Variants in STK32B observed in about 807,000 individuals in gnomAD.
STK32B encodes serine/threonine-protein kinase 32B.
In STK32B, 43 loss-of-function variants were observed where a neutral mutation model predicts 52.6. That is an observed-to-expected ratio of 0.82 (90% CI 0.64 to 1.05). The LOEUF (loss-of-function observed/expected upper bound fraction) is 1.05, where lower values mean the gene tolerates loss of function less well. Among genes scored for constraint, STK32B ranks in the 50% least tolerant of loss-of-function variants. The probability of loss-of-function intolerance (pLI) is 0.00; values close to 1 mark genes in which losing one functional copy is unlikely to be tolerated. For missense variants in STK32B, 621 were observed against 534.6 expected (o/e 1.16, Z -1.59); for synonymous variants, 238 against 204.3 (o/e 1.17, Z -1.41).
intron 1 of STK32B, among the ~76,000 whole-genome samples, chr4:5,101,635 G>A (rs1425252223): frequency 2.0e-5 from 3 of 151,980 alleles, no homozygotes; most frequent in Non-Finnish European, 4.4e-5. Context: ...AATGACTTAG[G>A]CTTCTGAAAG....
rs534620863 is a variant in STK32B at position 5,173,746 on chromosome 4, G to T, written c.260+5296G>T. Among the ~76,000 whole-genome samples, 11 of 152,260 alleles carry T rather than the reference G, an allele frequency of 7.2e-5. No individual in the cohort carries two copies. In the East Asian group the frequency reaches 2.1e-3, roughly 29 times the overall value. ...CAACTATGTGGTCAATTTTGGAATA[G>T]GTGTGGTGTGGTGCTGAAAAGAATG... On this transcript the variant is annotated intron_variant, in intron 3 of 11. Transcript: ENST00000282908.
At chr4:5,356,613 C>T (rs1334048193) in intron 4 of STK32B, among the ~76,000 whole-genome samples, 3 of 152,150 alleles carry the variant, frequency 2.0e-5, no homozygotes, top group African/African-American at 7.2e-5. Flanking sequence ...GTGTATATGA[C>T]ACATCCAAAT....
At chr4:5,149,851 G>A (rs960705088) in intron 2 of STK32B, among the ~76,000 whole-genome samples, 1 of 151,666 alleles carries the variant, frequency 6.6e-6, no homozygotes, top group Admixed American at 6.6e-5. Context: ...GTTTCTCTCT[G>A]GTATCATTTC....
At position 5,295,530 on chromosome 4, in the gene STK32B, G is replaced by A. The variant is rs181786149; in HGVS notation, c.261-35690G>A. On this transcript the variant is annotated intron_variant, in intron 3 of 11. Coordinates refer to ENST00000282908, the MANE Select transcript of STK32B (RefSeq NM_018401.3). ...GGTGTGTGTGTCCTGGAATTTATCC[G>A]TTTCTTCTAGATTTTCTAGTTTATT... Among the ~76,000 whole-genome samples the A allele has an allele frequency of 6.9e-3, 1,044 of 151,874 alleles. 20 individuals are homozygous for A. The highest frequency in any genetic ancestry group is 0.017 in the Middle Eastern group (5 of 294).
intron 3 of STK32B, among the ~76,000 whole-genome samples, chr4:5,289,560 T>C (rs1352521831): frequency 1.3e-5 from 2 of 151,894 alleles, no homozygotes; most frequent in African/African-American, 2.4e-5. Flanking sequence ...AAAATGAAAA[T>C]GTGATAACTC....
At chr4:5,339,040 T>G (rs1274144506) in intron 4 of STK32B, among the ~76,000 whole-genome samples, 1 of 152,170 alleles carries the variant, frequency 6.6e-6, no homozygotes, top group Non-Finnish European at 1.5e-5. Context: ...AATGAAAAAT[T>G]AGAGCCATTC....
In STK32B at chr4:5,467,249, C is replaced by T. The variant is rs1176632733; in HGVS notation, c.1041+415C>T. 6.6e-6 allele frequency among the ~76,000 whole-genome samples: 1 copy of T among 152,172 alleles called. No homozygotes were observed. The highest frequency in any genetic ancestry group is 1.5e-5 in the Non-Finnish European group (1 of 68,038). On this transcript the variant is annotated intron_variant, in intron 10 of 11. Coordinates refer to ENST00000282908, the MANE Select transcript of STK32B (RefSeq NM_018401.3). This position sits in a 1 kb window ranked among gnomAD's most constrained non-coding sequence, Gnocchi z 5.8. ...TGGCTTAAAACAACCCACATTGATT[C>T]TCTCACGGTTCTGGAGGCCAGAAAT...
chr4:5,179,022 G>A (rs920397499), intron 3 of STK32B, among the ~76,000 whole-genome samples: 26 of 152,142 alleles, frequency 1.7e-4, no homozygotes, highest in African/African-American at 5.8e-4. Context: ...CAGTTCTCAC[G>A]CTGCTATGAA....
In STK32B at chr4:5,197,682, C is replaced by T. The variant is rs147132203; in HGVS notation, c.260+29232C>T. Among the ~76,000 whole-genome samples, 9 of 152,312 alleles carry T rather than the reference C, an allele frequency of 5.9e-5. No homozygotes were observed. In the East Asian group the frequency reaches 1.2e-3, roughly 20 times the overall value. On this transcript the variant is annotated intron_variant, in intron 3 of 11. Coordinates refer to ENST00000282908, the MANE Select transcript of STK32B (RefSeq NM_018401.3). ...ATAGTCTGCTTTTGCAACAGTTATA[C>T]CTCTTAACTAGTTCCCTTGTTTGGT...
At chr4:5,082,050 A>T (rs1435354788) in intron 1 of STK32B, among the ~76,000 whole-genome samples, 1 of 152,064 alleles carries the variant, frequency 6.6e-6, no homozygotes, top group Non-Finnish European at 1.5e-5. Context: ...AAACACCTGT[A>T]CTAGTCAGCC....
chr4:5,342,854 C>A (rs572498140), intron 4 of STK32B, among the ~76,000 whole-genome samples: 1 of 152,118 alleles, frequency 6.6e-6, no homozygotes. Context: ...AAAGTAAGAG[C>A]CTACCTTACT....
chr4:5,425,887 C>A (rs141897376), intron 6 of STK32B, among the ~76,000 whole-genome samples: 2 of 152,216 alleles, frequency 1.3e-5, no homozygotes, highest in East Asian at 3.9e-4. Context: ...TGTATACAGC[C>A]TTTTGAATGT....
At chr4:5,229,089 CA>C (rs1366758185) in intron 3 of STK32B, among the ~76,000 whole-genome samples, 1 of 151,994 alleles carries the variant, frequency 6.6e-6, no homozygotes, top group Non-Finnish European at 1.5e-5. Context: ...AATATACTAA[CA>C]AAGTCAGCAC....
chr4:5,459,652 G>A (rs1716875757), intron 8 of STK32B, among the ~76,000 whole-genome samples: 1 of 152,196 alleles, frequency 6.6e-6, no homozygotes, highest in Non-Finnish European at 1.5e-5. Flanking sequence ...TACAAATGAG[G>A]CCACTTCATT....
chr4:5,403,017 G>A (rs1001100621), intron 5 of STK32B, among the ~76,000 whole-genome samples: 1 of 152,246 alleles, frequency 6.6e-6, no homozygotes, highest in African/African-American at 2.4e-5. Flanking sequence ...CAATGCAGCA[G>A]CCGCGTGGTC....
chr4:5,095,979 T>C (rs1202549726), intron 1 of STK32B, among the ~76,000 whole-genome samples: 2 of 152,248 alleles, frequency 1.3e-5, no homozygotes, highest in African/African-American at 4.8e-5. Flanking sequence ...AAAAAAATTC[T>C]ACTGGATATT....
At chr4:5,055,875 T>G (rs1376428468) in intron 1 of STK32B, among the ~76,000 whole-genome samples, 4 of 152,340 alleles carry the variant, frequency 2.6e-5, no homozygotes, top group East Asian at 1.9e-4. Context: ...TTATTTTTTT[T>G]TGTGGAAATT....
intron 3 of STK32B, among the ~76,000 whole-genome samples, chr4:5,249,322 C>G (rs1049772974): frequency 1.3e-5 from 2 of 152,258 alleles, no homozygotes; most frequent in Admixed American, 6.5e-5. Flanking sequence ...TAAGGTCACA[C>G]AACTAAGAAG....
intron 3 of STK32B, among the ~76,000 whole-genome samples, chr4:5,237,452 G>A (rs1410631214): frequency 1.3e-5 from 2 of 152,182 alleles, no homozygotes; most frequent in African/African-American, 2.4e-5. Flanking sequence ...ATACTCGGGA[G>A]ATTAATGAGA....
Sources: allele counts gnomAD v4.1 joint callset (sites outside exome capture counted in the v4.1 genomes callset), GRCh38; gene constraint gnomAD v4.1.1; non-coding constraint Gnocchi (gnomAD v3.1); transcripts MANE v1.5; gene names NCBI Gene and HGNC (gene_info 2026-07-23, HGNC 2026-07-21).